PDE1A: variants seen among roughly 807,000 people sequenced by gnomAD.
The protein encoded by PDE1A is phosphodiesterase 1A.
PDE1A carries 35 observed loss-of-function variants against 61.7 expected under a neutral mutation model. The observed-to-expected ratio is 0.57, with a 90% CI of 0.43 to 0.75. The LOEUF (loss-of-function observed/expected upper bound fraction) is 0.75, where lower values mean the gene tolerates loss of function less well. Ranked by LOEUF, PDE1A falls within the 30% of genes least tolerant of loss-of-function variation. The probability of loss-of-function intolerance (pLI) is 0.00; values close to 1 mark genes in which losing one functional copy is unlikely to be tolerated. For missense variants in PDE1A, 597 were observed against 630.6 expected (o/e 0.95, Z 0.57); for synonymous variants, 232 against 213.2 (o/e 1.09, Z -0.77).
Position 182,365,219 on chromosome 2 carries a change from G to T in PDE1A, c.53+61359C>A, listed in dbSNP as rs980265574. Reference sequence around the variant, plus strand: ...CTTAGTAATTACACAGGGACAGCAGGTGTAAGCTAAGATGATGCCTGGCAA... The same window carrying T: ...CTTAGTAATTACACAGGGACAGCAGTTGTAAGCTAAGATGATGCCTGGCAA... On this transcript the variant is annotated intron_variant, in intron 1 of 13. Coordinates refer to ENST00000351439, the Ensembl canonical transcript of PDE1A. Among the ~76,000 whole-genome samples, 3 of 152,138 alleles carry T rather than the reference G, an allele frequency of 2.0e-5. No individual in the cohort carries two copies. In the South Asian group the frequency reaches 6.2e-4, roughly 31 times the overall value.
chr2:182,621,456 C>T, the PDE1A span, among the ~76,000 whole-genome samples: 1,357 of 152,212 alleles, frequency 8.9e-3, 10 homozygotes, highest in South Asian at 0.024. Context: ...GAGATTCCAT[C>T]CTTTTTACTC....
At chr2:182,309,433 T>C (rs1695817388) in intron 1 of PDE1A, among the ~76,000 whole-genome samples, 3 of 152,030 alleles carry the variant, frequency 2.0e-5, no homozygotes, top group Admixed American at 6.6e-5. Flanking sequence ...TTTCTGCCAA[T>C]AAAATGTGGC....
chr2:182,260,946 A>G (rs930698224), intron 2 of PDE1A, among the ~76,000 whole-genome samples: 14 of 152,206 alleles, frequency 9.2e-5, no homozygotes, highest in Non-Finnish European at 1.5e-5. Flanking sequence ...TTGGTAAGCT[A>G]TGTAACTTTT....
chr2:182,275,219 C>G (rs1693319688), intron 1 of PDE1A, among the ~76,000 whole-genome samples: 1 of 152,030 alleles, frequency 6.6e-6, no homozygotes, highest in Admixed American at 6.6e-5. Context: ...CCAGTGGGGA[C>G]TGCCCACGGC....
intron 1 of PDE1A, among the ~76,000 whole-genome samples, chr2:182,288,327 C>T (rs1242552605): frequency 6.6e-6 from 1 of 152,028 alleles, no homozygotes; most frequent in East Asian, 1.9e-4. Flanking sequence ...AAGGTAATCG[C>T]CGTACACAGT....
chr2:182,609,140 A>C, the PDE1A span, among the ~76,000 whole-genome samples: 1 of 152,190 alleles, frequency 6.6e-6, no homozygotes, highest in African/African-American at 2.4e-5. Flanking sequence ...TGTCTAGTTC[A>C]GGGTTTGTAA....
At chr2:182,495,141 C>T (rs1688632968) in intron 2 of PDE1A, among the ~76,000 whole-genome samples, 1 of 152,124 alleles carries the variant, frequency 6.6e-6, no homozygotes, top group African/African-American at 2.4e-5. Flanking sequence ...GACACGTGCC[C>T]CTGACATTAG....
At chr2:182,278,877 C>A (rs1559288494) in intron 1 of PDE1A, among the ~76,000 whole-genome samples, 1 of 151,918 alleles carries the variant, frequency 6.6e-6, no homozygotes, top group African/African-American at 2.4e-5. Context: ...TAAAGTAAGC[C>A]AAACACAGTT....
At chr2:182,242,264 T>C (rs746508421) in intron 2 of PDE1A, among the ~76,000 whole-genome samples, 1 of 152,162 alleles carries the variant, frequency 6.6e-6, no homozygotes, top group Non-Finnish European at 1.5e-5. Flanking sequence ...AACCAGCATA[T>C]GGAAGGGATA....
the PDE1A span, among the ~76,000 whole-genome samples, chr2:182,660,814 A>C: frequency 6.6e-6 from 1 of 152,230 alleles, no homozygotes; most frequent in South Asian, 2.1e-4. Context: ...AACCACAGCG[A>C]AGCTGGCACT....
At chr2:182,384,488 T>A (rs916017004) in intron 1 of PDE1A, among the ~76,000 whole-genome samples, 15 of 143,760 alleles carry the variant, frequency 1.0e-4, no homozygotes, top group South Asian at 2.2e-4. Flanking sequence ...ATAATAATAA[T>A]AAAATAGAAA....
At chr2:182,232,831 C>T (rs1689690483) in intron 4 of PDE1A, among the ~76,000 whole-genome samples, 2 of 152,144 alleles carry the variant, frequency 1.3e-5, no homozygotes, top group African/African-American at 4.8e-5. Flanking sequence ...CTTGGGGGTT[C>T]CCACTGAGTA....
chr2:182,464,936 A>G lies in PDE1A; in HGVS notation c.101+57340T>C, dbSNP rs974870658. On this transcript the variant is annotated intron_variant, in intron 2 of 14. Transcript: ENST00000410103. ...ACTACTGATACATGATGAACACTCA[A>G]TCAATGTTTTTGAATGAATATTTAA... 2.6e-5 allele frequency among the ~76,000 whole-genome samples: 4 copies of G among 152,150 alleles called. No homozygotes were observed. In the South Asian group the frequency reaches 8.3e-4, roughly 32 times the overall value.
At chr2:182,592,457 C>T in the PDE1A span, among the ~76,000 whole-genome samples, 2 of 152,202 alleles carry the variant, frequency 1.3e-5, no homozygotes, top group Admixed American at 1.3e-4. Context: ...ACATGGGGTG[C>T]ATTTACACTT....
At chr2:182,593,974 AATTTTTATCTGTTCCCTTT>A in the PDE1A span, among the ~76,000 whole-genome samples, 25 of 152,342 alleles carry the variant, frequency 1.6e-4, no homozygotes, top group Middle Eastern at 3.4e-3. Flanking sequence ...ATCCAGAAGT[AATTTTTATCTGTTCCCTTT>A]GTTACTTATA....
chr2:182,371,325 A>G (rs2125245964), intron 1 of PDE1A, among the ~76,000 whole-genome samples: 1 of 152,366 alleles, frequency 6.6e-6, no homozygotes, highest in Non-Finnish European at 1.5e-5. Context: ...GAAGAAAACC[A>G]GAAGAAACTT....
chr2:182,191,246 C>A (rs1036793736), intron 10 of PDE1A, among the ~76,000 whole-genome samples: 1 of 151,708 alleles, frequency 6.6e-6, no homozygotes, highest in Non-Finnish European at 1.5e-5. Context: ...GCTTCCAGTG[C>A]GAATGGAAAG....
the PDE1A span, among the ~76,000 whole-genome samples, chr2:182,569,227 T>G: frequency 6.9e-6 from 1 of 144,758 alleles, no homozygotes; most frequent in Non-Finnish European, 1.5e-5. Flanking sequence ...CACTTCAGCC[T>G]GAGTGACAGA....
intron 1 of PDE1A, among the ~76,000 whole-genome samples, chr2:182,354,475 C>T (rs1370089078): frequency 6.6e-6 from 1 of 152,136 alleles, no homozygotes; most frequent in Non-Finnish European, 1.5e-5. Flanking sequence ...GCTTTACTGA[C>T]AACCATCTGG....
Sources: gnomAD v4.1 joint callset for allele counts (sites outside exome capture counted in the v4.1 genomes callset) on GRCh38, gnomAD v4.1.1 for gene constraint, MANE v1.5 for transcripts, NCBI Gene and HGNC (gene_info 2026-07-23, HGNC 2026-07-21) for gene names.